Variants in MCTP1 observed in about 807,000 individuals in gnomAD.
MCTP1 encodes multiple C2 and transmembrane domain-containing protein 1.
In MCTP1, 69 loss-of-function variants were observed where a neutral mutation model predicts 120.6. The observed-to-expected ratio is 0.57, with a 90% CI of 0.47 to 0.70. MCTP1 has a LOEUF of 0.70. Ranked by LOEUF, MCTP1 falls within the 30% of genes least tolerant of loss-of-function variation. The pLI is 0.00. For missense variants in MCTP1, 1,203 were observed against 1,248.8 expected (o/e 0.96, Z 0.55); for synonymous variants, 529 against 493.1 (o/e 1.07, Z -0.96).
intron 19 of MCTP1, among the ~76,000 whole-genome samples, chr5:94,777,329 T>C (rs553430564): frequency 3.9e-5 from 6 of 152,314 alleles, no homozygotes; most frequent in African/African-American, 1.4e-4. Flanking sequence ...CCCGGGCATG[T>C]TCCACTTGAC....
chr5:94,758,815 CAATAT>C (rs1471027089), intron 19 of MCTP1, among the ~76,000 whole-genome samples: 1 of 151,902 alleles, frequency 6.6e-6, no homozygotes, highest in Non-Finnish European at 1.5e-5. Flanking sequence ...AAAGTCTGCA[CAATAT>C]AATTATTATA....
rs1332610300 is a variant in MCTP1, at chr5:95,102,647, G to C, written c.721-85163C>G. ...ATATCAAAGAACCCAGGGACTAGCA[G>C]AAGAGACAATTAGGTGGTATTTATA... On this transcript the variant is annotated intron_variant, in intron 1 of 22. Transcript: ENST00000515393. Among the ~76,000 whole-genome samples, 3 of 152,222 alleles carry C rather than the reference G, an allele frequency of 2.0e-5. No homozygotes were observed. In the East Asian group the frequency reaches 5.8e-4, roughly 29 times the overall value.
At position 94,912,806 on chromosome 5, in the gene MCTP1, C is replaced by A; in HGVS notation, c.1521G>T (p.Lys507Asn). 2 of 1,560,240 alleles carry A rather than the reference C, an allele frequency of 1.3e-6. No individual in the cohort carries two copies. Among genetic ancestry groups the A allele is most frequent in the Non-Finnish European group, 1.7e-6 (2 of 1,154,350 alleles). ...FRLGHQKYKSKIMPKTLNPQW... is the reference protein window; with the variant it reads ...FRLGHQKYKSNIMPKTLNPQW... ...AGGAACACAATAGAGACAAGGTTAC[C>A]TTGCTCTTGTACTTCTGATGCCCAA... is the stretch of plus-strand genomic sequence containing the variant. Residue 507 changes from lysine (K) to asparagine (N), a missense_variant and splice_region_variant, in exon 9 of 23, where the codon AAG (lysine) becomes AAT (asparagine). Lys to Asn is a moderately conservative substitution (Grantham distance 94, BLOSUM62 0). Coordinates refer to ENST00000515393, the MANE Select transcript of MCTP1 (RefSeq NM_024717.7).
intron 19 of MCTP1, among the ~76,000 whole-genome samples, chr5:94,778,144 G>A (rs1031172344): frequency 3.3e-5 from 5 of 151,838 alleles, no homozygotes; most frequent in African/African-American, 1.2e-4. Context: ...GGAATCAAAG[G>A]TCAAGGGCAT....
chr5:94,756,470 T>TGCAC (rs1412793959), intron 19 of MCTP1, among the ~76,000 whole-genome samples: 1 of 152,218 alleles, frequency 6.6e-6, no homozygotes, highest in Non-Finnish European at 1.5e-5. Context: ...AGATAGGAAC[T>TGCAC]GCACTCAACG....
Position 94,871,392 on chromosome 5 carries a change from GA to G in MCTP1, c.2061del (p.Glu689LysfsTer2). On this transcript the variant is annotated frameshift_variant, in exon 14 of 23. Coordinates refer to ENST00000515393, the MANE Select transcript of MCTP1 (RefSeq NM_024717.7). LOFTEE classifies it high-confidence loss of function. The stretch of plus-strand genomic sequence containing the variant: ...TCTTCATCATAAACTGTCACTTCAA[GA>G]ACTGAATGGATATCTTTAATGTTGC... ...FTFNIKDIHSVLEVTVYDEDR... is the reference protein window; with the variant it reads ...FTFNIKDIHSXLEVTVYDEDR... 6.2e-7 allele frequency: 1 copy of G among 1,610,530 alleles called. No individual in the cohort carries two copies. Among genetic ancestry groups the G allele is most frequent in the Admixed American group, 1.7e-5 (1 of 59,920 alleles).
chr5:95,121,410 A>G (rs1758233851), intron 1 of MCTP1, among the ~76,000 whole-genome samples: 1 of 151,976 alleles, frequency 6.6e-6, no homozygotes, highest in Non-Finnish European at 1.5e-5. Flanking sequence ...CAATAACCAC[A>G]AATAAAATAA....
intron 17 of MCTP1, among the ~76,000 whole-genome samples, chr5:94,846,522 C>A (rs945418566): frequency 6.6e-6 from 1 of 151,964 alleles, no homozygotes; most frequent in Non-Finnish European, 1.5e-5. Flanking sequence ...ATAGGAGGAG[C>A]GAAAGGATCA....
chr5:95,265,461 G>A (rs1429119559), intron 1 of MCTP1, among the ~76,000 whole-genome samples: 1 of 152,174 alleles, frequency 6.6e-6, no homozygotes, highest in Non-Finnish European at 1.5e-5. Context: ...CCACCTCTCA[G>A]GTTTGAGAAC....
At chr5:94,738,376 T>C (rs1224719290) in intron 19 of MCTP1, among the ~76,000 whole-genome samples, 1 of 152,132 alleles carries the variant, frequency 6.6e-6, no homozygotes, top group Non-Finnish European at 1.5e-5. Flanking sequence ...TTGTTTGCAA[T>C]ACATTCAGTA....
chr5:94,829,341 T>G (rs1288595032), intron 17 of MCTP1, among the ~76,000 whole-genome samples: 1 of 152,018 alleles, frequency 6.6e-6, no homozygotes, highest in East Asian at 1.9e-4. Context: ...GGTACCTCAT[T>G]TGAAAATGTA....
chr5:95,214,870 TG>T (rs1752854078), intron 1 of MCTP1, among the ~76,000 whole-genome samples: 1 of 40,360 alleles, frequency 2.5e-5, no homozygotes, highest in Non-Finnish European at 4.5e-5. Flanking sequence ...TGTTGTGGGG[TG>T]GGGGGAGGGG....
At chr5:95,035,745 A>G (rs1404867503) in intron 1 of MCTP1, among the ~76,000 whole-genome samples, 1 of 152,146 alleles carries the variant, frequency 6.6e-6, no homozygotes, top group Non-Finnish European at 1.5e-5. Flanking sequence ...TATACTTGTG[A>G]AAATTTAAAG....
chr5:95,206,949 T>C (rs1751692699), intron 1 of MCTP1, among the ~76,000 whole-genome samples: 1 of 152,218 alleles, frequency 6.6e-6, no homozygotes. Flanking sequence ...TCAGGAAATT[T>C]GTTCATTATA....
At chr5:94,779,594 T>C (rs770541171) in intron 18 of MCTP1, among the ~76,000 whole-genome samples, 3 of 152,182 alleles carry the variant, frequency 2.0e-5, no homozygotes, top group Admixed American at 1.3e-4. Flanking sequence ...AAACCATGTC[T>C]GTTAATTGAT....
intron 8 of MCTP1, among the ~76,000 whole-genome samples, chr5:94,914,535 T>C (rs532880602): frequency 4.9e-4 from 74 of 152,254 alleles, no homozygotes; most frequent in Non-Finnish European, 9.3e-4. Context: ...CAAAATCACA[T>C]TGCATATTTT....
chr5:94,763,274 T>A (rs1771764811), intron 19 of MCTP1, among the ~76,000 whole-genome samples: 1 of 152,222 alleles, frequency 6.6e-6, no homozygotes, highest in Non-Finnish European at 1.5e-5. Flanking sequence ...TTTAAAATTG[T>A]CTATGATTCC....
chr5:94,904,296 C>T (rs560577445), intron 10 of MCTP1, among the ~76,000 whole-genome samples: 1 of 152,252 alleles, frequency 6.6e-6, no homozygotes, highest in South Asian at 2.1e-4. Flanking sequence ...TCAATCACTC[C>T]ACTGGCTGAG....
intron 2 of MCTP1, among the ~76,000 whole-genome samples, chr5:95,003,455 C>A (rs569474275): frequency 1.5e-4 from 23 of 152,152 alleles, no homozygotes; most frequent in African/African-American, 5.1e-4. Context: ...GTGATGTTCA[C>A]GCAACAATAA....
Sources: gnomAD v4.1 joint callset for allele counts (sites outside exome capture counted in the v4.1 genomes callset) on GRCh38, gnomAD v4.1.1 for gene constraint, MANE v1.5 for transcripts, NCBI Gene and HGNC (gene_info 2026-07-23, HGNC 2026-07-21) for gene names.